ZNF536: variants seen among roughly 807,000 people sequenced by gnomAD.
ZNF536 encodes the protein zinc finger protein 536.
A neutral mutation model predicts 84.5 loss-of-function variants in ZNF536; 13 were observed. The observed-to-expected ratio is 0.15, with a 90% confidence interval of 0.10 to 0.24. The LOEUF (loss-of-function observed/expected upper bound fraction) is 0.24. Among genes scored for constraint, ZNF536 ranks in the 10% least tolerant of loss-of-function variants. The probability of loss-of-function intolerance (pLI) is 1.00; values close to 1 mark genes in which losing one functional copy is unlikely to be tolerated. For synonymous variants in ZNF536, 811 were observed against 742.5 expected (o/e 1.09, Z -1.50); for missense variants, 1,536 against 1,747.5 (o/e 0.88, Z 2.16).
chr19:30,360,183 G>A (rs1308558874), intron 3 of ZNF536, among the ~76,000 whole-genome samples: 2 of 152,226 alleles, frequency 1.3e-5, no homozygotes, highest in African/African-American at 2.4e-5. Context: ...GCGAGCTTGG[G>A]CGTAGTGAAA....
At chr19:30,234,992 A>C (rs900512523) in intron 1 of ZNF536, among the ~76,000 whole-genome samples, 8 of 152,192 alleles carry the variant, frequency 5.3e-5, no homozygotes. Context: ...TTAATTCAGC[A>C]GACATTCCTG....
At chr19:30,311,992 C>T (rs529119519) in intron 2 of ZNF536, among the ~76,000 whole-genome samples, 11 of 152,180 alleles carry the variant, frequency 7.2e-5, no homozygotes, top group East Asian at 1.9e-4. Flanking sequence ...CACTTGAGCC[C>T]GGGAGTTGGA....
At chr19:30,298,025 C>T (rs1218179028) in intron 2 of ZNF536, among the ~76,000 whole-genome samples, 1 of 151,860 alleles carries the variant, frequency 6.6e-6, no homozygotes, top group East Asian at 1.9e-4. Flanking sequence ...AAATTATAGG[C>T]GCGTGCCACC....
At chr19:30,318,784 C>T (rs983411772) in intron 2 of ZNF536, among the ~76,000 whole-genome samples, 3 of 152,142 alleles carry the variant, frequency 2.0e-5, no homozygotes, top group South Asian at 2.1e-4. Flanking sequence ...AGCCCTGGGT[C>T]GTCGTGTCCT....
At chr19:30,497,026 G>A (rs796809950) in intron 2 of ZNF536, among the ~76,000 whole-genome samples, 13 of 152,306 alleles carry the variant, frequency 8.5e-5, no homozygotes, top group African/African-American at 3.1e-4. Context: ...CTTTACAAGA[G>A]AGATGATTAT....
At chr19:30,624,540 C>T (rs2048605892) in intron 1 of ZNF536, among the ~76,000 whole-genome samples, 1 of 152,162 alleles carries the variant, frequency 6.6e-6, no homozygotes, top group Admixed American at 6.5e-5. Context: ...AATGGGCCAT[C>T]TTTGGAAGGA....
chr19:30,383,233 T>A (rs904678190), intron 1 of ZNF536, among the ~76,000 whole-genome samples: 2 of 152,148 alleles, frequency 1.3e-5, no homozygotes, highest in Non-Finnish European at 2.9e-5. Flanking sequence ...GAGGTTGCAG[T>A]GAGCTGAGAC....
chr19:30,485,094 A>C (rs2054249304), intron 2 of ZNF536, among the ~76,000 whole-genome samples: 1 of 152,114 alleles, frequency 6.6e-6, no homozygotes, highest in African/African-American at 2.4e-5. Context: ...CAGTGAGCAG[A>C]GATCGCGCCA....
intron 1 of ZNF536, among the ~76,000 whole-genome samples, chr19:30,385,435 G>A (rs1029615127): frequency 3.3e-5 from 5 of 152,078 alleles, no homozygotes; most frequent in African/African-American, 7.2e-5. Context: ...GCTGGGTAAC[G>A]ACCGTTACCC....
At chr19:30,707,301 C>A (rs545301754) in intron 1 of ZNF536, among the ~76,000 whole-genome samples, 21 of 152,298 alleles carry the variant, frequency 1.4e-4, no homozygotes, top group African/African-American at 4.8e-4. Flanking sequence ...AGTCTATGCC[C>A]TAACTCCCAG....
At chr19:30,274,246 T>C (rs906219671) in intron 1 of ZNF536, among the ~76,000 whole-genome samples, 4 of 152,250 alleles carry the variant, frequency 2.6e-5, no homozygotes, top group Admixed American at 2.6e-4. Context: ...AAATTTTTAG[T>C]ATGACCAAAT....
At chr19:30,417,622 T>C (rs1214714867) in intron 1 of ZNF536, among the ~76,000 whole-genome samples, 1 of 152,258 alleles carries the variant, frequency 6.6e-6, no homozygotes, top group Non-Finnish European at 1.5e-5. Context: ...TTTAATTTTC[T>C]TTGCTAATTG....
intron 4 of ZNF536, chr19:30,555,676 T>C (rs2045940313): frequency 6.6e-6 from 1 of 152,186 alleles, no homozygotes; most frequent in Non-Finnish European, 1.5e-5. Context: ...AAGCCATGGC[T>C]GGGGTATGAA....
At chr19:30,282,975 T>G (rs189013497) in intron 1 of ZNF536, among the ~76,000 whole-genome samples, 1 of 152,320 alleles carries the variant, frequency 6.6e-6, no homozygotes. Flanking sequence ...TTTTCGAGCA[T>G]GCAGTCAGCA....
chr19:30,471,359 G>C (rs1430419931), intron 2 of ZNF536, among the ~76,000 whole-genome samples: 1 of 152,218 alleles, frequency 6.6e-6, no homozygotes, highest in Non-Finnish European at 1.5e-5. Flanking sequence ...ATAATTTATA[G>C]AGCTCAGTGC....
intron 1 of ZNF536, among the ~76,000 whole-genome samples, chr19:30,653,531 A>C (rs138098722): frequency 0.013 from 1,940 of 152,332 alleles, 47 homozygotes; most frequent in African/African-American, 0.042. Flanking sequence ...AAGATTTTTT[A>C]AATTTACAAA....
intron 2 of ZNF536, among the ~76,000 whole-genome samples, chr19:30,295,004 G>A (rs2145851488): frequency 6.6e-6 from 1 of 152,302 alleles, no homozygotes; most frequent in South Asian, 2.1e-4. Flanking sequence ...AAGGGTGGGT[G>A]TCTAAGCTTC....
chr19:30,307,429 C>T (rs1221820857), intron 2 of ZNF536, among the ~76,000 whole-genome samples: 1 of 150,928 alleles, frequency 6.6e-6, no homozygotes. Flanking sequence ...TTTGGCTTTA[C>T]ATGAGGGATG....
rs2148190886 is a variant in ZNF536, at chr19:30,444,613, G to C, written c.1051G>C (p.Gly351Arg). 1 of 1,613,890 alleles carries C rather than the reference G, an allele frequency of 6.2e-7. No individual in the cohort carries two copies. The highest frequency in any genetic ancestry group is 8.5e-7 in the Non-Finnish European group (1 of 1,180,048). Residue 351 changes from glycine to arginine, a missense_variant, in exon 2 of 5, where the codon GGT becomes CGT. Gly to Arg is a moderately radical substitution (Grantham distance 125). Transcript: ENST00000355537. ...SANEFRCEVCGQVFSQAWFLK... is the reference protein window; with the variant it reads ...SANEFRCEVCRQVFSQAWFLK... The stretch of plus-strand genomic sequence containing the variant: ...CAACGAGTTCCGCTGCGAGGTGTGC[G>C]GTCAGGTGTTCAGCCAGGCGTGGTT...
Sources: gnomAD v4.1 joint callset for allele counts (sites outside exome capture counted in the v4.1 genomes callset) on GRCh38, gnomAD v4.1.1 for gene constraint, MANE v1.5 for transcripts, NCBI Gene and HGNC (gene_info 2026-07-23, HGNC 2026-07-21) for gene names.